CCSER1: variants seen among roughly 807,000 people sequenced by gnomAD.
The protein encoded by CCSER1 is serine-rich coiled-coil domain-containing protein 1.
CCSER1 carries 41 observed loss-of-function variants against 82.0 expected under a neutral mutation model. The ratio of observed to expected loss-of-function variants is 0.50; its 90% confidence interval spans 0.39 to 0.65. The LOEUF is 0.65. Ranked by LOEUF, CCSER1 falls within the 30% of genes least tolerant of loss-of-function variation. The pLI, the probability that CCSER1 is intolerant of heterozygous loss-of-function variation, is 0.00. For missense variants in CCSER1, 1,119 were observed against 1,064.2 expected (o/e 1.05, Z -0.72); for synonymous variants, 414 against 383.9 (o/e 1.08, Z -0.92).
chr4:90,891,579 G>T (rs923919392), intron 8 of CCSER1, among the ~76,000 whole-genome samples: 5 of 151,958 alleles, frequency 3.3e-5, no homozygotes, highest in Middle Eastern at 3.4e-3. Context: ...TTTACCTTAA[G>T]ACTAAAATAT....
intron 10 of CCSER1, among the ~76,000 whole-genome samples, chr4:91,393,845 T>C (rs1751808360): frequency 6.6e-6 from 1 of 152,142 alleles, no homozygotes; most frequent in Non-Finnish European, 1.5e-5. Flanking sequence ...ACTGTTGAAT[T>C]TAATTGGGTT....
At chr4:90,259,651 A>T (rs1032606070) in intron 1 of CCSER1, among the ~76,000 whole-genome samples, 48 of 152,154 alleles carry the variant, frequency 3.2e-4, no homozygotes, top group African/African-American at 1.1e-3. Context: ...TATTTTGTTA[A>T]GAGTTTTTAT....
At chr4:90,260,239 A>C (rs1000200487) in intron 1 of CCSER1, among the ~76,000 whole-genome samples, 1 of 152,050 alleles carries the variant, frequency 6.6e-6, no homozygotes, top group Non-Finnish European at 1.5e-5. Context: ...TGGGTTTTCT[A>C]GTTTGTGCAT....
In CCSER1 at chr4:91,441,725, T is replaced by C. The variant is rs1475920040; in HGVS notation, c.2218-156847T>C. On this transcript the variant is annotated intron_variant, in intron 10 of 10. Transcript: ENST00000509176. ...ATGACTGTATATCTAGAAAACCCCA[T>C]TGTCTCAGCCCAAAATCTCCTTAAG... Among the ~76,000 whole-genome samples, 21 of 152,252 alleles carry C rather than the reference T, an allele frequency of 1.4e-4. 1 individual carries two copies. In the South Asian group the frequency reaches 3.9e-3, roughly 29 times the overall value.
intron 3 of CCSER1, among the ~76,000 whole-genome samples, chr4:90,315,568 A>G (rs1736026332): frequency 6.6e-6 from 1 of 152,130 alleles, no homozygotes. Flanking sequence ...GCAGTGGTGC[A>G]GTCTCGGCTC....
intron 10 of CCSER1, among the ~76,000 whole-genome samples, chr4:91,363,531 T>C (rs1241831333): frequency 6.6e-6 from 1 of 151,776 alleles, no homozygotes; most frequent in Admixed American, 6.6e-5. Flanking sequence ...GGCAGCTGTT[T>C]CTACTGTAGT....
At chr4:90,265,539 G>T (rs971137536) in intron 1 of CCSER1, among the ~76,000 whole-genome samples, 1 of 151,746 alleles carries the variant, frequency 6.6e-6, no homozygotes, top group East Asian at 1.9e-4. Flanking sequence ...TGTCCACATT[G>T]CCATGTTTTT....
At chr4:90,695,205 C>T (rs1736795915) in intron 6 of CCSER1, among the ~76,000 whole-genome samples, 1 of 151,410 alleles carries the variant, frequency 6.6e-6, no homozygotes, top group African/African-American at 2.4e-5. Context: ...TGAATAAAAG[C>T]CTCAGATAAT....
intron 8 of CCSER1, among the ~76,000 whole-genome samples, chr4:90,845,143 A>G (rs1390927596): frequency 6.6e-6 from 1 of 152,056 alleles, no homozygotes; most frequent in Non-Finnish European, 1.5e-5. Flanking sequence ...CAGGCAGATC[A>G]TGAGGTCAGG....
At chr4:90,781,796 ATAACT>A (rs1236003878) in intron 7 of CCSER1, 1 of 960,080 alleles carries the variant, frequency 1.0e-6, no homozygotes, top group Non-Finnish European at 1.2e-6. Context: ...GGCTTTTTTG[ATAACT>A]TTTATGTTTG....
At chr4:90,353,751 C>A (rs1045348792) in intron 3 of CCSER1, among the ~76,000 whole-genome samples, 1 of 152,202 alleles carries the variant, frequency 6.6e-6, no homozygotes, top group Non-Finnish European at 1.5e-5. Flanking sequence ...CACTCTCCTC[C>A]TCTGTAGGAT....
Position 90,991,892 on chromosome 4 carries a change from C to G in CCSER1, c.2172+68445C>G, listed in dbSNP as rs1241547915. Reference sequence around the variant, plus strand: ...TTACCACCTACTTACTGCAATCTGGCTTTGGATGTTACTACCATTGACAGT... The same window carrying G: ...TTACCACCTACTTACTGCAATCTGGGTTTGGATGTTACTACCATTGACAGT... On this transcript the variant is annotated intron_variant, in intron 9 of 10. Transcript: ENST00000509176. Among the ~76,000 whole-genome samples the G allele has an allele frequency of 1.4e-4, 21 of 152,006 alleles. 1 individual carries two copies. The highest frequency in any genetic ancestry group is 1.4e-3 in the Admixed American group (21 of 15,210).
intron 5 of CCSER1, among the ~76,000 whole-genome samples, chr4:90,567,048 C>T (rs958706277): frequency 6.8e-6 from 1 of 147,524 alleles, no homozygotes; most frequent in African/African-American, 2.5e-5. Context: ...AAAAAAACCT[C>T]TTGGTTTCCT....
At chr4:90,834,545 T>G (rs914794228) in intron 8 of CCSER1, among the ~76,000 whole-genome samples, 2 of 152,176 alleles carry the variant, frequency 1.3e-5, no homozygotes, top group African/African-American at 4.8e-5. Flanking sequence ...TGATACAAAT[T>G]AAGAACTGTG....
intron 10 of CCSER1, among the ~76,000 whole-genome samples, chr4:91,446,304 T>G (rs932500385): frequency 3.9e-5 from 6 of 152,112 alleles, no homozygotes; most frequent in Admixed American, 3.9e-4. Flanking sequence ...AGAAAACAAT[T>G]ATTTATTCAT....
intron 1 of CCSER1, among the ~76,000 whole-genome samples, chr4:90,148,900 T>A (rs546763894): frequency 1.3e-5 from 2 of 152,280 alleles, no homozygotes; most frequent in East Asian, 3.9e-4. Context: ...TCTTTTAACC[T>A]CTTGAGTCAA....
chr4:90,279,687 C>G (rs1290446626), intron 1 of CCSER1, among the ~76,000 whole-genome samples: 1 of 151,938 alleles, frequency 6.6e-6, no homozygotes, highest in Non-Finnish European at 1.5e-5. Flanking sequence ...GGTCTAGTAT[C>G]CAGAGAGCCT....
chr4:90,296,628 C>A (rs1280971132), intron 1 of CCSER1, among the ~76,000 whole-genome samples: 1 of 152,040 alleles, frequency 6.6e-6, no homozygotes, highest in Admixed American at 6.6e-5. Context: ...GGTTTTAGGT[C>A]TAACGTTTAA....
At chr4:90,956,739 C>T (rs932649057) in intron 9 of CCSER1, among the ~76,000 whole-genome samples, 3 of 150,620 alleles carry the variant, frequency 2.0e-5, no homozygotes, top group Non-Finnish European at 4.4e-5. Context: ...AGAACTCCAT[C>T]TGATATTCTT....
Sources: allele counts gnomAD v4.1 joint callset (sites outside exome capture counted in the v4.1 genomes callset), GRCh38; gene constraint gnomAD v4.1.1; transcripts MANE v1.5; gene names NCBI Gene and HGNC (gene_info 2026-07-23, HGNC 2026-07-21).